PDCD6IP: variants seen among roughly 807,000 people sequenced by gnomAD.
The protein encoded by PDCD6IP is programmed cell death 6-interacting protein.
PDCD6IP carries 43 observed loss-of-function variants against 103.7 expected under a neutral mutation model. The ratio of observed to expected loss-of-function variants is 0.41; its 90% CI spans 0.32 to 0.53. The LOEUF (loss-of-function observed/expected upper bound fraction) is 0.53, where lower values mean the gene tolerates loss of function less well. Ranked by LOEUF, PDCD6IP falls within the 20% of genes least tolerant of loss-of-function variation. The pLI is 0.16. For synonymous variants in PDCD6IP, 354 were observed against 378.7 expected, an observed-to-expected ratio of 0.93 and a Z score of 0.76; for missense variants, 871 against 1,036.7, an observed-to-expected ratio of 0.84 and a Z score of 2.20.
chr3:33,836,067 A>T lies in PDCD6IP; in HGVS notation c.858A>T (p.Thr286=). ...RLQHAAELIK[T]VASRYDEYVN... The stretch of plus-strand genomic sequence containing the variant: ...AGCATGCAGCAGAACTGATTAAAAC[A>T]GTGGCATCTCGCTATGATGAATATG... Residue 286 remains threonine (T), a synonymous_variant, in exon 8 of 18, where the codon ACA becomes ACT. Coordinates refer to ENST00000307296, the MANE Select transcript of PDCD6IP (RefSeq NM_013374.6). The T allele has an allele frequency of 6.2e-7, 1 of 1,608,304 alleles. No individual in the cohort carries two copies. Among genetic ancestry groups the T allele is most frequent in the Non-Finnish European group, 8.5e-7 (1 of 1,174,804 alleles).
intron 15 of PDCD6IP, among the ~76,000 whole-genome samples, chr3:33,856,532 A>G (rs1275456057): frequency 6.6e-6 from 1 of 152,208 alleles, no homozygotes; most frequent in Non-Finnish European, 1.5e-5. Context: ...CTCAGAAGAA[A>G]AACCAGATAG....
rs543974118 is a variant in PDCD6IP, at chr3:33,853,358, G to C, written c.1891-521G>C. Among the ~76,000 whole-genome samples the C allele has an allele frequency of 1.2e-4, 18 of 152,182 alleles. No individual in the cohort carries two copies. In the South Asian group the frequency reaches 3.5e-3, roughly 30 times the overall value. The stretch of plus-strand genomic sequence containing the variant: ...ATGGGAGGAAAATCGAAATTAGTTG[G>C]AATTACTGATACCTTTAATTGTATG... On this transcript the variant is annotated intron_variant, in intron 13 of 17. Coordinates refer to ENST00000307296, the MANE Select transcript of PDCD6IP (RefSeq NM_013374.6).
chr3:33,800,011 T>A (rs1421388191), intron 1 of PDCD6IP, among the ~76,000 whole-genome samples: 6 of 149,482 alleles, frequency 4.0e-5, no homozygotes, highest in African/African-American at 7.5e-5. Context: ...TCCCAGCTAC[T>A]CGGGAGGCTG....
chr3:33,839,217 T>C lies in PDCD6IP; in HGVS notation c.1181+890T>C, dbSNP rs181187872. Among the ~76,000 whole-genome samples the C allele has an allele frequency of 1.9e-3, 289 of 152,334 alleles. 3 individuals are homozygous for C. The highest frequency in any genetic ancestry group is 6.1e-3 in the African/African-American group (254 of 41,576). ...TCTCTCATGCCCCTTTCCCAGTCCT[T>C]CTTCTTTTAGCCCCTGGCCGCTATT... is the stretch of plus-strand genomic sequence containing the variant. On this transcript the variant is annotated intron_variant, in intron 9 of 17. Coordinates refer to ENST00000307296, the MANE Select transcript of PDCD6IP (RefSeq NM_013374.6).
intron 3 of PDCD6IP, among the ~76,000 whole-genome samples, chr3:33,821,530 G>A (rs1022068469): frequency 4.6e-5 from 7 of 152,080 alleles, no homozygotes; most frequent in African/African-American, 1.7e-4. Context: ...CCAGCTAGGA[G>A]GTAATTGCAT....
intron 13 of PDCD6IP, among the ~76,000 whole-genome samples, chr3:33,853,175 G>C (rs1382666011): frequency 6.6e-6 from 1 of 152,042 alleles, no homozygotes; most frequent in Non-Finnish European, 1.5e-5. Context: ...CTCCTGCCTT[G>C]GCCTCCCAAA....
chr3:33,819,242 C>T (rs960080584), intron 3 of PDCD6IP, among the ~76,000 whole-genome samples: 2 of 151,788 alleles, frequency 1.3e-5, no homozygotes, highest in African/African-American at 4.8e-5. Context: ...GCCCTTAAAA[C>T]TTTTGAAAAA....
intron 3 of PDCD6IP, among the ~76,000 whole-genome samples, chr3:33,818,272 G>A (rs1201095337): frequency 2.0e-5 from 3 of 148,926 alleles, no homozygotes; most frequent in East Asian, 2.0e-4. Context: ...CACGCCTGGC[G>A]AATTTTTGTA....
At chr3:33,863,977 T>C in intron 15 of PDCD6IP, 29 bp from the exon 16 acceptor site, 1 of 1,493,468 alleles carries the variant, frequency 6.7e-7, no homozygotes, top group African/African-American at 1.4e-5. Flanking sequence ...TTCTATCATG[T>C]TAATTTTTAA....
intron 1 of PDCD6IP, among the ~76,000 whole-genome samples, chr3:33,803,521 G>C (rs1696524111): frequency 6.6e-6 from 1 of 151,998 alleles, no homozygotes; most frequent in Non-Finnish European, 1.5e-5. Flanking sequence ...GCATTTTCTG[G>C]ATATTTATAC....
chr3:33,858,694 C>T (rs1697884322), intron 15 of PDCD6IP, among the ~76,000 whole-genome samples: 1 of 152,002 alleles, frequency 6.6e-6, no homozygotes, highest in Non-Finnish European at 1.5e-5. Context: ...CCTGTAATCC[C>T]AGCTACTCGA....
intron 9 of PDCD6IP, among the ~76,000 whole-genome samples, chr3:33,841,136 T>C (rs1253459608): frequency 4.0e-5 from 6 of 151,848 alleles, no homozygotes; most frequent in Admixed American, 6.6e-5. Context: ...CAGGTGATTC[T>C]TGTGCCTCAG....
Position 33,828,920 on chromosome 3 carries a change from T to C in PDCD6IP, c.785T>C (p.Ile262Thr). The change falls in exon 7 of 18, where the codon ATC becomes ACC. Residue 262 changes from isoleucine to threonine, a missense_variant. By Grantham distance (89) the Ile-to-Thr change is moderately conservative. Transcript: ENST00000307296. ...MQANAEYHQSILAKQQKKFGE... is the reference protein window; with the variant it reads ...MQANAEYHQSTLAKQQKKFGE... ...GCCAATGCTGAGTACCATCAGTCTATCCTGGCAAAACAGCAGAAGAAATTT... is the reference window on the plus strand; with the variant it reads ...GCCAATGCTGAGTACCATCAGTCTACCCTGGCAAAACAGCAGAAGAAATTT... 6.2e-7 allele frequency: 1 copy of C among 1,610,826 alleles called. No individual in the cohort carries two copies. Among genetic ancestry groups the C allele is most frequent in the Non-Finnish European group, 8.5e-7 (1 of 1,178,136 alleles).
chr3:33,841,714 A>G (rs1697479059), intron 9 of PDCD6IP, among the ~76,000 whole-genome samples, 183 bp from the exon 10 acceptor site: 1 of 152,042 alleles, frequency 6.6e-6, no homozygotes, highest in African/African-American at 2.4e-5. Flanking sequence ...CTGGGATTAC[A>G]CGCGTGAGCC....
At chr3:33,863,249 T>C (rs1697991888) in intron 15 of PDCD6IP, among the ~76,000 whole-genome samples, 1 of 152,202 alleles carries the variant, frequency 6.6e-6, no homozygotes, top group South Asian at 2.1e-4. Flanking sequence ...AATTAGGATA[T>C]TCATCTCAAA....
At chr3:33,814,846 TTATTCA>T (rs1696808656) in intron 3 of PDCD6IP, among the ~76,000 whole-genome samples, 1 of 144,278 alleles carries the variant, frequency 6.9e-6, no homozygotes, top group African/African-American at 2.5e-5. Context: ...TATGCATGTA[TTATTCA>T]TATACATATA....
chr3:33,811,053 T>C (rs980425103), intron 1 of PDCD6IP: 4 of 424,930 alleles, frequency 9.4e-6, no homozygotes, highest in African/African-American at 8.3e-5. Context: ...GCCTGGCTAA[T>C]GTTTGTATTT....
intron 16 of PDCD6IP, 95 bp downstream of exon 16, chr3:33,864,224 A>G (rs577403156): frequency 1.3e-6 from 1 of 763,644 alleles, no homozygotes; most frequent in Admixed American, 2.4e-5. Context: ...GGAAGGATCT[A>G]GTGGTTACCA....
intron 9 of PDCD6IP, among the ~76,000 whole-genome samples, chr3:33,841,140 G>T (rs1045794918): frequency 6.6e-6 from 1 of 150,700 alleles, no homozygotes; most frequent in African/African-American, 2.4e-5. Flanking sequence ...TGATTCTTGT[G>T]CCTCAGCCTC....
Sources: allele counts gnomAD v4.1 joint callset (sites outside exome capture counted in the v4.1 genomes callset), GRCh38; gene constraint gnomAD v4.1.1; transcripts MANE v1.5; gene names NCBI Gene and HGNC (gene_info 2026-07-23, HGNC 2026-07-21).